The following BBX variants were observed in gnomAD, a reference collection of about 807,000 sequenced individuals.
The protein encoded by BBX is HMG box transcription factor BBX.
A neutral mutation model predicts 100.2 loss-of-function variants in BBX; 30 were observed. The observed-to-expected ratio is 0.30, with a 90% CI of 0.22 to 0.41. The LOEUF is 0.41. Among genes scored for constraint, BBX ranks in the 10% least tolerant of loss-of-function variants. BBX has a pLI of 1.00. For missense variants in BBX, 1,023 were observed against 1,129.8 expected (o/e 0.91, Z 1.35); for synonymous variants, 376 against 388.1 (o/e 0.97, Z 0.37).
At chr3:107,531,861 C>G (rs1226205722) in intron 2 of BBX, among the ~76,000 whole-genome samples, 1 of 152,148 alleles carries the variant, frequency 6.6e-6, no homozygotes, top group Admixed American at 6.5e-5. Context: ...ACAGGGCATT[C>G]TCTCTGGTGA....
At position 107,802,264 on chromosome 3, in the gene BBX, T is replaced by A. The variant is rs190699656; in HGVS notation, c.2738+983T>A. Among the ~76,000 whole-genome samples the A allele has an allele frequency of 3.1e-3, 478 of 152,370 alleles. 2 individuals are homozygous for A. The highest frequency in any genetic ancestry group is 4.8e-3 in the Non-Finnish European group (325 of 68,038). On this transcript the variant is annotated intron_variant, in intron 17 of 17. Coordinates refer to ENST00000325805, the MANE Select transcript of BBX (RefSeq NM_001142568.3). ...CTCCTTTTTGACATCCAGGTAAACC[T>A]GGAGTCCCCTGACGTGAGCTTGGTT...
intron 2 of BBX, among the ~76,000 whole-genome samples, chr3:107,640,407 T>C (rs994671805): frequency 2.0e-5 from 3 of 152,214 alleles, no homozygotes; most frequent in Non-Finnish European, 4.4e-5. Context: ...TTGCTCATCC[T>C]ATGCCTTTAA....
chr3:107,728,787 C>T lies in BBX; in HGVS notation c.428C>T (p.Ala143Val), dbSNP rs1255377082. Residue 143 changes from alanine (A) to valine (V), a missense_variant, in exon 6 of 18, where the codon GCA becomes GTA. By Grantham distance (64) the Ala-to-Val change is moderately conservative (BLOSUM62 0). Transcript: ENST00000325805. ...AKEYKDAFMK[A>V]NPGYKWCPTT... Reference sequence around the variant, plus strand: ...TAGTATAAGGATGCATTTATGAAAGCAAATCCTGGCTACAAATGGTGTCCT... The same window carrying T: ...TAGTATAAGGATGCATTTATGAAAGTAAATCCTGGCTACAAATGGTGTCCT... 1 of 1,613,016 alleles carries T rather than the reference C, an allele frequency of 6.2e-7. No individual in the cohort carries two copies. The highest frequency in any genetic ancestry group is 2.2e-5 in the East Asian group (1 of 44,860).
At chr3:107,710,943 G>T (rs1272585231) in intron 4 of BBX, among the ~76,000 whole-genome samples, 1 of 152,138 alleles carries the variant, frequency 6.6e-6, no homozygotes, top group Non-Finnish European at 1.5e-5. Context: ...TCTACCCTGT[G>T]GCTCTTCTGG....
At chr3:107,646,656 G>A (rs1370678214) in intron 3 of BBX, among the ~76,000 whole-genome samples, 1 of 152,086 alleles carries the variant, frequency 6.6e-6, no homozygotes, top group East Asian at 1.9e-4. Flanking sequence ...ATACTTTATG[G>A]TGAACTGTTG....
intron 3 of BBX, among the ~76,000 whole-genome samples, chr3:107,647,977 C>T (rs941638872): frequency 5.3e-5 from 8 of 152,122 alleles, no homozygotes; most frequent in Non-Finnish European, 8.8e-5. Context: ...ATTTAATTGG[C>T]TAGAGCATGT....
At chr3:107,585,626 T>G (rs897093309) in intron 2 of BBX, among the ~76,000 whole-genome samples, 1 of 152,308 alleles carries the variant, frequency 6.6e-6, no homozygotes, top group Non-Finnish European at 1.5e-5. Context: ...TATTTCTTTA[T>G]CTGTGGTTCT....
chr3:107,579,722 C>A (rs1576374111), intron 2 of BBX, among the ~76,000 whole-genome samples: 1 of 152,190 alleles, frequency 6.6e-6, no homozygotes, highest in East Asian at 1.9e-4. Context: ...GGAGTTTAAT[C>A]CTCACTGTTG....
chr3:107,769,089 AC>A (rs777811067), intron 10 of BBX, among the ~76,000 whole-genome samples: 52 of 150,906 alleles, frequency 3.4e-4, no homozygotes, highest in Non-Finnish European at 7.1e-4. Flanking sequence ...GATCACTTGA[AC>A]CCTGGAGGTC....
At chr3:107,794,467 A>T (rs1449905224) in intron 15 of BBX, among the ~76,000 whole-genome samples, 2 of 152,106 alleles carry the variant, frequency 1.3e-5, no homozygotes, top group African/African-American at 4.8e-5. Context: ...ACCTAGGACT[A>T]GGAATCTCTG....
chr3:107,708,318 G>A (rs2061504383), intron 3 of BBX, among the ~76,000 whole-genome samples: 1 of 152,154 alleles, frequency 6.6e-6, no homozygotes, highest in Admixed American at 6.5e-5. Flanking sequence ...TTCTTGCTAA[G>A]AATGCCACAA....
chr3:107,551,020 G>A (rs2049626080), intron 2 of BBX, among the ~76,000 whole-genome samples: 2 of 152,110 alleles, frequency 1.3e-5, no homozygotes, highest in African/African-American at 4.8e-5. Context: ...CTTTTTTGGA[G>A]AGTTTAGCGC....
At chr3:107,621,280 A>G (rs1254082498) in intron 2 of BBX, among the ~76,000 whole-genome samples, 5 of 152,068 alleles carry the variant, frequency 3.3e-5, no homozygotes, top group Non-Finnish European at 4.4e-5. Context: ...GAAGTTGCAG[A>G]TATGTGAAGT....
At chr3:107,640,457 A>G (rs1258682049) in intron 2 of BBX, among the ~76,000 whole-genome samples, 3 of 152,072 alleles carry the variant, frequency 2.0e-5, no homozygotes, top group South Asian at 2.1e-4. Flanking sequence ...CCCAACTGCC[A>G]TTGGTTCTTC....
At chr3:107,783,558 A>G (rs1281861069) in intron 13 of BBX, among the ~76,000 whole-genome samples, 1 of 152,050 alleles carries the variant, frequency 6.6e-6, no homozygotes, top group Non-Finnish European at 1.5e-5. Context: ...TCTTCCTATG[A>G]GCCAATACCC....
chr3:107,783,768 T>C (rs1180007228), intron 13 of BBX, among the ~76,000 whole-genome samples: 1 of 152,096 alleles, frequency 6.6e-6, no homozygotes, highest in African/African-American at 2.4e-5. Flanking sequence ...ATTAGTGTAG[T>C]ATGTACATGT....
intron 2 of BBX, among the ~76,000 whole-genome samples, chr3:107,611,237 C>T (rs541921229): frequency 6.0e-4 from 91 of 152,150 alleles, no homozygotes; most frequent in Non-Finnish European, 1.1e-3. Flanking sequence ...ATCACTTTAT[C>T]GTTTTGTCTT....
At chr3:107,651,909 G>T (rs543349486) in intron 3 of BBX, among the ~76,000 whole-genome samples, 1 of 152,176 alleles carries the variant, frequency 6.6e-6, no homozygotes, top group East Asian at 1.9e-4. Context: ...TGTAGCCATG[G>T]TTTTTAGTTT....
intron 2 of BBX, among the ~76,000 whole-genome samples, chr3:107,539,801 A>T (rs759920954): frequency 6.6e-6 from 1 of 152,166 alleles, no homozygotes; most frequent in African/African-American, 2.4e-5. Context: ...TATCCTGTTC[A>T]TGTTTTTGGT....
Sources: gnomAD v4.1 joint callset for allele counts (sites outside exome capture counted in the v4.1 genomes callset) on GRCh38, gnomAD v4.1.1 for gene constraint, MANE v1.5 for transcripts, NCBI Gene and HGNC (gene_info 2026-07-23, HGNC 2026-07-21) for gene names.